Variants in SGCZ observed in about 807,000 individuals in gnomAD.
The protein encoded by SGCZ is zeta-sarcoglycan.
A neutral mutation model predicts 41.3 loss-of-function variants in SGCZ; 40 were observed. The ratio of observed to expected loss-of-function variants is 0.97; its 90% CI spans 0.75 to 1.26. The LOEUF is 1.26. Ranked by LOEUF, SGCZ falls within the 50% of genes most tolerant of loss-of-function variation. The pLI is 0.00. For missense variants in SGCZ, 552 were observed against 369.8 expected (o/e 1.49, Z -4.04); for synonymous variants, 206 against 137.5 (o/e 1.50, Z -3.49).
At chr8:14,860,379 T>G (rs1803682858) in intron 1 of SGCZ, among the ~76,000 whole-genome samples, 1 of 151,568 alleles carries the variant, frequency 6.6e-6, no homozygotes, top group Non-Finnish European at 1.5e-5. Flanking sequence ...AGACTTTAAT[T>G]GACAAACTGG....
rs116446079 is a variant in SGCZ, at chr8:14,623,916, G to A, written c.40-68990C>T. 6.1e-3 allele frequency among the ~76,000 whole-genome samples: 931 copies of A among 152,240 alleles called. 9 individuals are homozygous for A. The highest frequency in any genetic ancestry group is 0.021 in the African/African-American group (889 of 41,532). On this transcript the variant is annotated intron_variant, in intron 1 of 7. Coordinates refer to ENST00000382080, the MANE Select transcript of SGCZ (RefSeq NM_139167.4). The stretch of plus-strand genomic sequence containing the variant: ...TACCCACTTCTGGACTTTTCTGTGA[G>A]GGAGAAATAAACTATTTTGTTAGGA...
chr8:15,019,110 C>T (rs1395001941), intron 1 of SGCZ, among the ~76,000 whole-genome samples: 4 of 152,178 alleles, frequency 2.6e-5, no homozygotes, highest in Non-Finnish European at 5.9e-5. Flanking sequence ...CCCAGCAAGT[C>T]CCTCTCTCAA....
Position 15,070,710 on chromosome 8 carries a change from T to C in SGCZ, c.39+166875A>G, listed in dbSNP as rs113638281. Among the ~76,000 whole-genome samples the C allele has an allele frequency of 3.8e-3, 580 of 152,338 alleles. 7 individuals carry two copies. Among genetic ancestry groups the C allele is most frequent in the African/African-American group, 0.011 (460 of 41,584 alleles). On this transcript the variant is annotated intron_variant, in intron 1 of 7. Transcript: ENST00000382080. Reference sequence around the variant, plus strand: ...CAGTGTGATATTTAGATTTAACATTTTACAAGCTTTACAGTTAACTTCTTT... The same window carrying C: ...CAGTGTGATATTTAGATTTAACATTCTACAAGCTTTACAGTTAACTTCTTT...
intron 1 of SGCZ, among the ~76,000 whole-genome samples, chr8:14,871,947 T>C (rs1804171870): frequency 6.6e-6 from 1 of 151,572 alleles, no homozygotes; most frequent in Non-Finnish European, 1.5e-5. Context: ...TATGTGTATA[T>C]ATATATATAG....
At chr8:14,360,486 C>T (rs946709011) in intron 2 of SGCZ, among the ~76,000 whole-genome samples, 21 of 152,100 alleles carry the variant, frequency 1.4e-4, no homozygotes, top group African/African-American at 5.1e-4. Flanking sequence ...TCACCACACC[C>T]AGCTAATTTC....
intron 6 of SGCZ, among the ~76,000 whole-genome samples, chr8:14,106,936 G>C (rs1022047950): frequency 6.6e-6 from 1 of 152,166 alleles, no homozygotes; most frequent in Non-Finnish European, 1.5e-5. Context: ...TTAAGAACAG[G>C]CTAGGCGCGG....
chr8:14,948,339 C>T (rs890025496), intron 1 of SGCZ, among the ~76,000 whole-genome samples: 1 of 152,070 alleles, frequency 6.6e-6, no homozygotes, highest in Non-Finnish European at 1.5e-5. Context: ...ATTTAATAAT[C>T]ACAACTCAGG....
chr8:14,427,964 A>C (rs746784715), intron 2 of SGCZ, among the ~76,000 whole-genome samples: 26 of 152,256 alleles, frequency 1.7e-4, no homozygotes, highest in Non-Finnish European at 3.5e-4. Context: ...GAAATGATTT[A>C]AAGTATACAG....
intron 1 of SGCZ, among the ~76,000 whole-genome samples, chr8:14,746,096 C>G (rs2244867): frequency 6.6e-6 from 1 of 151,654 alleles, no homozygotes; most frequent in African/African-American, 2.4e-5. Flanking sequence ...TACCATTTTC[C>G]ATAAATATCG....
intron 4 of SGCZ, among the ~76,000 whole-genome samples, chr8:14,174,405 TG>T (rs1804480902): frequency 1.3e-5 from 2 of 152,116 alleles, no homozygotes; most frequent in Non-Finnish European, 2.9e-5. Flanking sequence ...GTTCAACAAC[TG>T]TAGCTGAAAC....
At chr8:14,909,823 T>C (rs1454527288) in intron 1 of SGCZ, among the ~76,000 whole-genome samples, 1 of 152,082 alleles carries the variant, frequency 6.6e-6, no homozygotes, top group East Asian at 1.9e-4. Context: ...GTCCCTCAAT[T>C]CTGTCATCCA....
chr8:14,952,373 G>A (rs141999396), intron 1 of SGCZ, among the ~76,000 whole-genome samples: 5 of 152,002 alleles, frequency 3.3e-5, no homozygotes, highest in African/African-American at 7.2e-5. Context: ...AGGTTCAGCG[G>A]ATACCCACAT....
At chr8:14,527,827 A>G (rs750797240) in intron 2 of SGCZ, among the ~76,000 whole-genome samples, 2 of 152,042 alleles carry the variant, frequency 1.3e-5, no homozygotes, top group Non-Finnish European at 2.9e-5. Flanking sequence ...AACAATTCTT[A>G]GGCTCTCATA....
chr8:15,069,871 T>G (rs1014383349), intron 1 of SGCZ, among the ~76,000 whole-genome samples: 3 of 152,178 alleles, frequency 2.0e-5, no homozygotes, highest in Non-Finnish European at 4.4e-5. Flanking sequence ...TGCTCTTTTC[T>G]TTATGAGAGA....
At position 15,149,711 on chromosome 8, in the gene SGCZ, C is replaced by CAAAA. The variant is rs750167614; in HGVS notation, c.39+87870_39+87873dup. 5.7e-3 allele frequency among the ~76,000 whole-genome samples: 320 copies of CAAAA among 56,532 alleles called. 1 individual carries two copies. Among genetic ancestry groups the CAAAA allele is most frequent in the African/African-American group, 7.6e-3 (165 of 21,730 alleles). The allele number at this position is 56,532 out of a possible 152,430, so 37.1% of individuals were successfully genotyped here. Reference sequence around the variant, plus strand: ...CGACTGCTGGTATAACTATAAACTACAAAAAAAAAAAAAAAAAAAAAGCCT... The same window carrying CAAAA: ...CGACTGCTGGTATAACTATAAACTACAAAAAAAAAAAAAAAAAAAAAAAAAGCCT... On this transcript the variant is annotated intron_variant, in intron 1 of 7. Coordinates refer to ENST00000382080, the MANE Select transcript of SGCZ (RefSeq NM_139167.4).
chr8:14,262,087 C>T (rs537746309), intron 3 of SGCZ, among the ~76,000 whole-genome samples: 86 of 152,234 alleles, frequency 5.6e-4, no homozygotes, highest in Non-Finnish European at 9.0e-4. Flanking sequence ...ACACATTACT[C>T]CTTGCATGAT....
At chr8:14,702,431 C>T (rs1351632308) in intron 1 of SGCZ, among the ~76,000 whole-genome samples, 1 of 151,858 alleles carries the variant, frequency 6.6e-6, no homozygotes, top group Non-Finnish European at 1.5e-5. Context: ...TAGATTATAT[C>T]TACGACTAAA....
rs60055916 is a variant in SGCZ, at chr8:15,080,115, T to C, written c.39+157470A>G. On this transcript the variant is annotated intron_variant, in intron 1 of 7. Transcript: ENST00000382080. ...GTAAAGACCCATTTTCAATTATTTA[T>C]TTGATTCCTGGACGAGATATTTGCA... 6.7e-3 allele frequency among the ~76,000 whole-genome samples: 1,016 copies of C among 152,292 alleles called. 15 individuals carry two copies. Among genetic ancestry groups the C allele is most frequent in the African/African-American group, 0.023 (953 of 41,550 alleles).
At chr8:14,467,493 C>G (rs1405498495) in intron 2 of SGCZ, among the ~76,000 whole-genome samples, 1 of 152,078 alleles carries the variant, frequency 6.6e-6, no homozygotes, top group African/African-American at 2.4e-5. Flanking sequence ...TGTGTGCAAA[C>G]TGCTTCAGGA....
Sources: allele counts gnomAD v4.1 joint callset (sites outside exome capture counted in the v4.1 genomes callset), GRCh38; gene constraint gnomAD v4.1.1; transcripts MANE v1.5; gene names NCBI Gene and HGNC (gene_info 2026-07-23, HGNC 2026-07-21).